Variants in PEAK1 observed in about 807,000 individuals in gnomAD.
PEAK1 encodes the protein pseudopodium enriched atypical kinase 1, also known as inactive tyrosine-protein kinase PEAK1.
Under a neutral mutation model 124.7 loss-of-function variants are expected in PEAK1, and 54 were observed. The ratio of observed to expected loss-of-function variants is 0.43; its 90% confidence interval spans 0.35 to 0.54. The LOEUF is 0.54. PEAK1 is among the 20% of genes least tolerant of loss of function. The pLI is 0.01. For synonymous variants in PEAK1, 719 were observed against 760.0 expected (o/e 0.95, Z 0.89); for missense variants, 2,046 against 2,134.5 (o/e 0.96, Z 0.82).
At chr15:77,268,825 A>C (rs552273939) in intron 5 of PEAK1, among the ~76,000 whole-genome samples, 1 of 152,188 alleles carries the variant, frequency 6.6e-6, no homozygotes, top group South Asian at 2.1e-4. Context: ...CGCAGCAGAA[A>C]CCCTACAAGC....
At chr15:77,390,679 C>A (rs2070381026) in intron 1 of PEAK1, among the ~76,000 whole-genome samples, 1 of 152,160 alleles carries the variant, frequency 6.6e-6, no homozygotes, top group African/African-American at 2.4e-5. Flanking sequence ...ATGTTCTAAG[C>A]CCTTTGCCTC....
At chr15:77,163,957 C>T (rs998901997) in intron 7 of PEAK1, among the ~76,000 whole-genome samples, 2 of 152,108 alleles carry the variant, frequency 1.3e-5, no homozygotes, top group African/African-American at 4.8e-5. Context: ...TCTGGGGTTG[C>T]TGGGGATAAC....
At chr15:77,211,272 T>C (rs1040428387) in intron 6 of PEAK1, among the ~76,000 whole-genome samples, 1 of 152,188 alleles carries the variant, frequency 6.6e-6, no homozygotes, top group South Asian at 2.1e-4. Context: ...GTAAGCTTAT[T>C]TTATCTTATA....
At chr15:77,291,237 A>G (rs1320973625) in intron 2 of PEAK1, among the ~76,000 whole-genome samples, 1 of 152,220 alleles carries the variant, frequency 6.6e-6, no homozygotes, top group African/African-American at 2.4e-5. Context: ...TCATTCTCAC[A>G]TAATACCTGT....
At position 77,178,964 on chromosome 15, in the gene PEAK1, A is replaced by T. The variant is rs1396043977; in HGVS notation, c.2963T>A (p.Val988Asp). Residue 988 changes from valine (V) to aspartate (D), a missense_variant, in exon 7 of 10, where the codon GTC (valine) becomes GAC (aspartate). Val to Asp is a radical substitution (Grantham distance 152). Transcript: ENST00000682557. ...KGESSEKPAI[V>D]FMYRCDPAQG... ...AGCAGGGTCGCACCTGTACATGAAG[A>T]CAATGGCTGGTTTCTCACTGGACTC... 6.2e-7 allele frequency: 1 copy of T among 1,613,980 alleles called. No homozygotes were observed. The highest frequency in any genetic ancestry group is 1.3e-5 in the African/African-American group (1 of 74,904).
chr15:77,343,258 A>C lies in PEAK1; in HGVS notation c.-603+21905T>G, dbSNP rs7165836. On this transcript the variant is annotated intron_variant, in intron 2 of 9. Transcript: ENST00000682557. ...TTGAGCATCTTTTCATGTGGTCATG[A>C]CTATTTGTATCTTTGGAGAAATGCC... Among the ~76,000 whole-genome samples, 3 of 152,044 alleles carry C rather than the reference A, an allele frequency of 2.0e-5. No individual in the cohort carries two copies. In the South Asian group the frequency reaches 6.2e-4, roughly 32 times the overall value.
At chr15:77,169,052 A>G (rs1022476143) in intron 7 of PEAK1, among the ~76,000 whole-genome samples, 1 of 152,138 alleles carries the variant, frequency 6.6e-6, no homozygotes, top group South Asian at 2.1e-4. Context: ...TCTACATTAG[A>G]TTTTTCTCAT....
intron 1 of PEAK1, among the ~76,000 whole-genome samples, chr15:77,382,797 G>A (rs2069591268): frequency 6.6e-6 from 1 of 152,008 alleles, no homozygotes; most frequent in South Asian, 2.1e-4. Flanking sequence ...GCTTCTTAAA[G>A]GGGAATCCAA....
intron 1 of PEAK1, chr15:77,404,884 C>T: frequency 1.7e-6 from 1 of 593,676 alleles, no homozygotes; most frequent in Non-Finnish European, 2.1e-6. Context: ...GAACATAAAT[C>T]TGCTCTCTCC....
chr15:77,317,799 T>C (rs1024739261), intron 2 of PEAK1, among the ~76,000 whole-genome samples: 58 of 152,224 alleles, frequency 3.8e-4, no homozygotes, highest in African/African-American at 1.3e-3. Context: ...CAAATGTTTA[T>C]TGTAGTCTTA....
Position 77,114,909 on chromosome 15 carries a change from C to T in PEAK1, c.4488G>A (p.Leu1496=). ...CAAGACCAGAGCATAGCTGTAAGAG[C>T]AGCAGACACACCTGCCTCTCATACA... ...PDLYERQVCL[L]LLQLCSGLEH... is the part of the protein sequence containing the mutation. Residue 1496 remains leucine, a synonymous_variant, in exon 10 of 10, where the codon CTG becomes CTA. Coordinates refer to ENST00000682557, the MANE Select transcript of PEAK1 (RefSeq NM_001385026.1). 1 of 1,613,946 alleles carries T rather than the reference C, an allele frequency of 6.2e-7. No individual in the cohort carries two copies. The highest frequency in any genetic ancestry group is 8.5e-7 in the Non-Finnish European group (1 of 1,180,004).
At chr15:77,389,127 A>C (rs2070231400) in intron 1 of PEAK1, among the ~76,000 whole-genome samples, 1 of 151,668 alleles carries the variant, frequency 6.6e-6, no homozygotes, top group Admixed American at 6.6e-5. Flanking sequence ...CTAATTTTTA[A>C]ATTTTTTGTA....
rs185855350 is a variant in PEAK1 at position 77,393,560 on chromosome 15, C to A, written c.-666+26446G>T. Among the ~76,000 whole-genome samples the A allele has an allele frequency of 6.4e-4, 98 of 152,248 alleles. 1 individual carries two copies. Among genetic ancestry groups the A allele is most frequent in the African/African-American group, 2.3e-3 (97 of 41,538 alleles). ...AACCCACTGCCTTGAAGGGAAGGAC[C>A]CAGTCCTGGCAGGATGCATCATCTG... On this transcript the variant is annotated intron_variant, in intron 1 of 9. Transcript: ENST00000682557.
At chr15:77,404,353 T>G (rs2071624538) in intron 1 of PEAK1, 1 of 984,230 alleles carries the variant, frequency 1.0e-6, no homozygotes, top group Non-Finnish European at 1.2e-6. Context: ...TAGCCACCTG[T>G]GGCTACGAAG....
intron 9 of PEAK1, among the ~76,000 whole-genome samples, chr15:77,117,948 G>C (rs773423524): frequency 1.3e-5 from 2 of 152,116 alleles, no homozygotes; most frequent in Non-Finnish European, 2.9e-5. Flanking sequence ...ACAAGAATGT[G>C]GATACTACAA....
intron 1 of PEAK1, among the ~76,000 whole-genome samples, chr15:77,390,856 C>T (rs1020249187): frequency 3.3e-5 from 5 of 152,170 alleles, no homozygotes; most frequent in African/African-American, 1.2e-4. Context: ...TTAAACAGGA[C>T]AATAAACTGT....
intron 2 of PEAK1, among the ~76,000 whole-genome samples, chr15:77,313,644 ATGTATGTATGTGTGTGTGTGTGTG>A (rs1482715775): frequency 1.3e-5 from 1 of 75,402 alleles, no homozygotes; most frequent in Non-Finnish European, 2.8e-5. Flanking sequence ...GTATGTATGT[ATGTATGTATGTGTGTGTGTGTGTG>A]TGTGTGTGTG....
intron 5 of PEAK1, among the ~76,000 whole-genome samples, chr15:77,266,962 G>A (rs1053594821): frequency 1.3e-5 from 2 of 150,194 alleles, no homozygotes; most frequent in Non-Finnish European, 3.0e-5. Context: ...TGGTTGCCTG[G>A]AAATCAGCTC....
chr15:77,418,199 T>A, intron 1 of PEAK1: 3 of 985,412 alleles, frequency 3.0e-6, no homozygotes, highest in Non-Finnish European at 3.6e-6. Flanking sequence ...AGTGATCTTA[T>A]CTTTTTCTTT....
Sources: allele counts gnomAD v4.1 joint callset (sites outside exome capture counted in the v4.1 genomes callset), GRCh38; gene constraint gnomAD v4.1.1; transcripts MANE v1.5; gene names NCBI Gene and HGNC (gene_info 2026-07-23, HGNC 2026-07-21).